MAD1L1: variants seen among roughly 807,000 people sequenced by gnomAD.
The protein encoded by MAD1L1 is mitotic arrest deficient 1 like 1, also known as mitotic spindle assembly checkpoint protein MAD1.
A neutral mutation model predicts 96.9 loss-of-function variants in MAD1L1; 95 were observed. That is an observed-to-expected ratio of 0.98 (90% CI 0.83 to 1.16). MAD1L1 has a LOEUF of 1.16. MAD1L1 is among the 50% of genes most tolerant of loss of function. The pLI is 0.00. For synonymous variants in MAD1L1, 473 were observed against 396.6 expected (o/e 1.19, Z -2.29); for missense variants, 1,007 against 954.4 (o/e 1.06, Z -0.73).
rs757882478 is a variant in MAD1L1, at chr7:2,213,191, G to T, written c.986+21C>A. 6.8e-6 allele frequency: 11 copies of T among 1,613,832 alleles called. No individual in the cohort carries two copies. The South Asian group carries it at 1.2e-4, about 18-fold the overall frequency. ...ACCCTTCAAAGAAGGCGGGACCCCG[G>T]AGACACCTGCCCTTCCCTACCTGAT... On this transcript the variant is annotated intron_variant, in intron 10 of 18. Coordinates refer to ENST00000265854, the MANE Select transcript of MAD1L1 (RefSeq NM_001013836.2).
intron 11 of MAD1L1, among the ~76,000 whole-genome samples, chr7:2,124,821 CACAT>C (rs1788154786): frequency 6.6e-6 from 1 of 152,206 alleles, no homozygotes; most frequent in South Asian, 2.1e-4. Context: ...ACGGTGACAT[CACAT>C]ACAACAGAGG....
chr7:2,228,144 AT>A, intron 3 of MAD1L1, among the ~76,000 whole-genome samples: 1 of 151,960 alleles, frequency 6.6e-6, no homozygotes, highest in Non-Finnish European at 1.5e-5. Flanking sequence ...TCCATCACTG[AT>A]CCCCTCACCG....
chr7:2,063,188 A>C (rs1396244601), intron 12 of MAD1L1, among the ~76,000 whole-genome samples: 1 of 152,116 alleles, frequency 6.6e-6, no homozygotes, highest in East Asian at 1.9e-4. Context: ...TTGCACACGC[A>C]ATGTGTTTCA....
intron 13 of MAD1L1, among the ~76,000 whole-genome samples, 164 bp downstream of exon 13, chr7:2,014,338 A>G (rs1004660827): frequency 5.3e-5 from 8 of 152,138 alleles, no homozygotes; most frequent in Non-Finnish European, 1.0e-4. Context: ...GTGGATCCAC[A>G]TGCAGAGGAA....
chr7:2,071,815 A>G (rs555611686), intron 11 of MAD1L1, among the ~76,000 whole-genome samples: 1 of 151,444 alleles, frequency 6.6e-6, no homozygotes, highest in South Asian at 2.1e-4. Context: ...GAGCTAGGAG[A>G]GCTTCCACTC....
chr7:2,036,786 C>G (rs1402758899), intron 12 of MAD1L1, among the ~76,000 whole-genome samples: 1 of 152,142 alleles, frequency 6.6e-6, no homozygotes, highest in Non-Finnish European at 1.5e-5. Flanking sequence ...TACAGGGAGC[C>G]CAAGCAGGTG....
chr7:2,075,621 C>T (rs771614745), intron 11 of MAD1L1, among the ~76,000 whole-genome samples: 3 of 152,156 alleles, frequency 2.0e-5, no homozygotes, highest in Non-Finnish European at 2.9e-5. Flanking sequence ...CCAGCCTCTA[C>T]TCAAAGAACA....
At chr7:1,867,400 G>A (rs913737011) in intron 18 of MAD1L1, among the ~76,000 whole-genome samples, 1 of 152,228 alleles carries the variant, frequency 6.6e-6, no homozygotes, top group African/African-American at 2.4e-5. Context: ...CGGCACTGCA[G>A]CCTGAGCTCC....
chr7:1,969,946 C>G (rs1384829608), intron 15 of MAD1L1, among the ~76,000 whole-genome samples: 1 of 152,170 alleles, frequency 6.6e-6, no homozygotes, highest in African/African-American at 2.4e-5. Context: ...GGAGTCAAAC[C>G]CCCTGAAAAA....
At chr7:1,961,165 G>A (rs1372163525) in intron 15 of MAD1L1, among the ~76,000 whole-genome samples, 1 of 152,198 alleles carries the variant, frequency 6.6e-6, no homozygotes, top group African/African-American at 2.4e-5. Context: ...TGGGTGTTGG[G>A]AACGCACTTC....
chr7:1,824,899 C>T (rs1411646218), intron 18 of MAD1L1, among the ~76,000 whole-genome samples: 24 of 152,110 alleles, frequency 1.6e-4, no homozygotes, highest in African/African-American at 5.8e-4. Context: ...CAGCGTCCGC[C>T]GAGAGTCAGC....
intron 16 of MAD1L1, among the ~76,000 whole-genome samples, chr7:1,937,644 G>A (rs898449178): frequency 6.6e-6 from 1 of 150,994 alleles, no homozygotes; most frequent in Non-Finnish European, 1.5e-5. Flanking sequence ...GAGGTGCAGG[G>A]TCACTGCGCA....
chr7:2,057,689 A>G (rs1319885349), intron 12 of MAD1L1, among the ~76,000 whole-genome samples: 2 of 152,230 alleles, frequency 1.3e-5, no homozygotes, highest in Non-Finnish European at 2.9e-5. Flanking sequence ...ATCCACAGAG[A>G]ATATCAGAAA....
intron 10 of MAD1L1, among the ~76,000 whole-genome samples, chr7:2,192,833 T>C (rs1234779959): frequency 1.3e-5 from 2 of 152,196 alleles, no homozygotes; most frequent in Non-Finnish European, 1.5e-5. Context: ...TAAAATTCCA[T>C]TTCATGGGAT....
At chr7:2,044,183 G>T (rs1783818961) in intron 12 of MAD1L1, among the ~76,000 whole-genome samples, 1 of 152,240 alleles carries the variant, frequency 6.6e-6, no homozygotes, top group Admixed American at 6.5e-5. Context: ...AGCTACTACA[G>T]GTCCTGATCC....
chr7:2,192,786 G>A (rs1791791518), intron 10 of MAD1L1, among the ~76,000 whole-genome samples: 1 of 152,184 alleles, frequency 6.6e-6, no homozygotes, highest in South Asian at 2.1e-4. Flanking sequence ...TTTCAATGGT[G>A]CTGAAAAGTA....
At chr7:2,105,722 G>T (rs1280481983) in intron 11 of MAD1L1, among the ~76,000 whole-genome samples, 1 of 152,042 alleles carries the variant, frequency 6.6e-6, no homozygotes, top group African/African-American at 2.4e-5. Flanking sequence ...GCACGGTCCA[G>T]TAAGAGACCA....
intron 15 of MAD1L1, among the ~76,000 whole-genome samples, chr7:1,959,288 G>C (rs911877423): frequency 5.9e-5 from 9 of 152,080 alleles, no homozygotes; most frequent in African/African-American, 2.2e-4. Flanking sequence ...GAGAGGAAAA[G>C]ATTCCTGAAA....
At chr7:1,908,683 G>A (rs934581085) in intron 17 of MAD1L1, among the ~76,000 whole-genome samples, 6 of 152,138 alleles carry the variant, frequency 3.9e-5, no homozygotes, top group East Asian at 1.9e-4. Flanking sequence ...TGAAGGCATC[G>A]CCCTCAGGTC....
Sources: gnomAD v4.1 joint callset for allele counts (sites outside exome capture counted in the v4.1 genomes callset) on GRCh38, gnomAD v4.1.1 for gene constraint, MANE v1.5 for transcripts, NCBI Gene and HGNC (gene_info 2026-07-23, HGNC 2026-07-21) for gene names.